CDC27: variants seen among roughly 807,000 people sequenced by gnomAD.
CDC27 encodes the protein cell division cycle protein 27 homolog.
CDC27 carries 27 observed loss-of-function variants against 109.7 expected under a neutral mutation model. That is an observed-to-expected ratio of 0.25 (90% confidence interval 0.18 to 0.34). CDC27 has a LOEUF of 0.34. CDC27 is among the 10% of genes least tolerant of loss of function. CDC27 has a pLI of 1.00. For synonymous variants in CDC27, 266 were observed against 333.9 expected, an observed-to-expected ratio of 0.80 and a Z score of 2.22; for missense variants, 579 against 960.2, an observed-to-expected ratio of 0.60 and a Z score of 5.25.
intron 1 of CDC27, among the ~76,000 whole-genome samples, chr17:47,187,594 G>A (rs1374410926): frequency 1.3e-5 from 2 of 151,964 alleles, no homozygotes; most frequent in African/African-American, 4.8e-5. Flanking sequence ...AAGCCACCAC[G>A]CCCGGCCTTC....
At chr17:47,144,871 T>TCACACA (rs35160918) in intron 9 of CDC27, among the ~76,000 whole-genome samples, 44 of 149,988 alleles carry the variant, frequency 2.9e-4, no homozygotes, top group East Asian at 7.8e-4. Context: ...TGTGTGTATA[T>TCACACA]CACACACACA....
At chr17:47,163,204 T>A (rs1394282847) in intron 4 of CDC27, among the ~76,000 whole-genome samples, 1 of 148,202 alleles carries the variant, frequency 6.7e-6, no homozygotes, top group Non-Finnish European at 1.5e-5. Flanking sequence ...AGAAGTCTCA[T>A]GTGCTGTAAT....
In CDC27 at chr17:47,119,465, T is replaced by C. The variant is rs2061939278; in HGVS notation, c.*1470A>G. 1 of 152,206 alleles carries C rather than the reference T, an allele frequency of 6.6e-6. No individual in the cohort carries two copies. The highest frequency in any genetic ancestry group is 6.5e-5 in the Admixed American group (1 of 15,274). The allele number at this position is 152,206 out of a possible 1,614,324, so 9.4% of individuals were successfully genotyped here. A position where few individuals can be genotyped will look rare whatever the true frequency, so the allele number is the denominator to read the frequency against. ...TTGTAATCCACCTTATTTTCACAGCTTGACTAACAAATACAGGTAAGTTTG... is the reference window on the plus strand; with the variant it reads ...TTGTAATCCACCTTATTTTCACAGCCTGACTAACAAATACAGGTAAGTTTG... On this transcript the variant is annotated 3_prime_UTR_variant, in exon 19 of 19. Transcript: ENST00000066544.
At chr17:47,171,894 C>T in intron 3 of CDC27, 23 bp downstream of exon 3, 1 of 1,555,960 alleles carries the variant, frequency 6.4e-7, no homozygotes, top group Non-Finnish European at 8.7e-7. Context: ...AACAAAATAG[C>T]TAGAAAATAT....
chr17:47,164,121 A>G (rs2063574128), intron 4 of CDC27, among the ~76,000 whole-genome samples: 1 of 152,176 alleles, frequency 6.6e-6, no homozygotes, highest in Admixed American at 6.5e-5. Context: ...AGATACACAA[A>G]TATTTACCAT....
At chr17:47,129,617 A>G in intron 15 of CDC27, 96 bp from the exon 16 acceptor site, 1 of 799,162 alleles carries the variant, frequency 1.3e-6, no homozygotes, top group Non-Finnish European at 2.0e-6. Context: ...TCAAATTATT[A>G]GAGATAAGGT....
Position 47,159,672 on chromosome 17 carries a change from C to T in CDC27, c.378-1369G>A. On this transcript the variant is annotated intron_variant, in intron 4 of 18. Transcript: ENST00000066544. ...CATTTAACACCCAGACCGACGTGGC[C>T]ATTGTAGTCCTCGATGGCAACAAAC... 6.8e-6 allele frequency: 3 copies of T among 441,276 alleles called. 1 individual carries two copies. Among genetic ancestry groups the T allele is most frequent in the South Asian group, 4.4e-5 (2 of 45,006 alleles). The allele number at this position is 441,276 out of a possible 1,614,324, so 27.3% of individuals were successfully genotyped here.
intron 17 of CDC27, 80 bp from the exon 18 acceptor site, chr17:47,122,680 T>G (rs2062014265): frequency 9.8e-7 from 1 of 1,024,152 alleles, no homozygotes; most frequent in Admixed American, 3.6e-5. Context: ...ATATACTTAT[T>G]TATTTATTTT....
intron 8 of CDC27, among the ~76,000 whole-genome samples, chr17:47,154,023 A>C (rs2063224566): frequency 6.6e-6 from 1 of 150,386 alleles, no homozygotes; most frequent in South Asian, 2.1e-4. Context: ...TGGGAGGTAG[A>C]GGCTACAGTG....
chr17:47,138,999 T>A lies in CDC27; in HGVS notation c.1552-108A>T. 4.4e-6 allele frequency: 3 copies of A among 684,042 alleles called. No homozygotes were observed. In the South Asian group the frequency reaches 6.8e-5, roughly 16 times the overall value. The allele number at this position is 684,042 out of a possible 1,614,324, so 42.4% of individuals were successfully genotyped here. ...ACAGGATCTAAATGCTGCCTTGTAT[T>A]ATGGTTTTTATGTGAATGAGTATTA... On this transcript the variant is annotated intron_variant, in intron 12 of 18. Transcript: ENST00000066544.
At chr17:47,144,166 C>T (rs1198646428) in intron 9 of CDC27, among the ~76,000 whole-genome samples, 184 bp from the exon 10 acceptor site, 10 of 152,058 alleles carry the variant, frequency 6.6e-5, no homozygotes, top group Admixed American at 5.2e-4. Flanking sequence ...ATGAGGGACT[C>T]GGACTGGCTT....
chr17:47,159,608 T>C (rs2063430478), intron 4 of CDC27: 2 of 462,806 alleles, frequency 4.3e-6, no homozygotes, highest in Non-Finnish European at 7.8e-6. Context: ...GGCCAGGATG[T>C]TGATGGCCCT....
intron 9 of CDC27, 86 bp from the exon 10 acceptor site, chr17:47,144,068 A>T (rs1296148967): frequency 4.9e-6 from 2 of 406,618 alleles, no homozygotes; most frequent in Non-Finnish European, 8.2e-6. Context: ...ATATTTTAAA[A>T]ATATACATTA....
Position 47,189,253 on chromosome 17 carries a change from A to G in CDC27, c.-81T>C. The G allele has an allele frequency of 1.8e-6, 2 of 1,102,390 alleles. No individual in the cohort carries two copies. The highest frequency in any genetic ancestry group is 2.0e-4 in the Middle Eastern group (1 of 5,084). The allele number at this position is 1,102,390 out of a possible 1,614,324, so 68.3% of individuals were successfully genotyped here. A position where few individuals can be genotyped will look rare whatever the true frequency, so the allele number is the denominator to read the frequency against. ...CGGCCCGGCCAGCCCCTGCTCATTT[A>G]AACTCACCAGCGACCGTTACCGGGG... is the stretch of plus-strand genomic sequence containing the variant. On this transcript the variant is annotated 5_prime_UTR_variant, in exon 1 of 19. Coordinates refer to ENST00000066544, the MANE Select transcript of CDC27 (RefSeq NM_001256.6).
At position 47,143,912 on chromosome 17, in the gene CDC27, G is replaced by A; in HGVS notation, c.1141C>T (p.Leu381Phe). ...GTTGTGGAGCTGTCACTAGTAAAGA[G>A]TCGTGAACTTCTTCGAGGCAGTGCG... ...PNALPRRSSR[L>F]FTSDSSTTKE... Residue 381 changes from leucine to phenylalanine, a missense_variant, in exon 10 of 19, where the codon CTC becomes TTC. Transcript: ENST00000066544. The A allele has an allele frequency of 2.0e-6, 3 of 1,496,128 alleles. No individual in the cohort carries two copies. Among genetic ancestry groups the A allele is most frequent in the East Asian group, 2.5e-5 (1 of 39,478 alleles). 92.7% of individuals were successfully genotyped at this position (1,496,128 alleles called of 1,614,324 possible).
intron 16 of CDC27, among the ~76,000 whole-genome samples, chr17:47,125,978 T>G (rs1192223020): frequency 6.6e-6 from 1 of 152,250 alleles, no homozygotes; most frequent in Non-Finnish European, 1.5e-5. Context: ...GCAACCAGCA[T>G]GCCTATCCCC....
intron 9 of CDC27, 56 bp from the exon 10 acceptor site, chr17:47,144,038 A>G (rs1016466668): frequency 1.4e-5 from 9 of 657,784 alleles, no homozygotes; most frequent in Middle Eastern, 4.1e-4. Context: ...ATGACCATTA[A>G]CCATTGTTTC....
rs189500954 is a variant in CDC27, at chr17:47,131,596, A to G, written c.2031+661T>C. 7.2e-3 allele frequency among the ~76,000 whole-genome samples: 1,093 copies of G among 152,260 alleles called. 3 individuals are homozygous for G. Among genetic ancestry groups the G allele is most frequent in the Non-Finnish European group, 0.011 (734 of 68,022 alleles). On this transcript the variant is annotated intron_variant, in intron 15 of 18. Coordinates refer to ENST00000066544, the MANE Select transcript of CDC27 (RefSeq NM_001256.6). ...AGAACTTAAGGTACCGTACTTACAC[A>G]GAAGCTAATAAATGCGATTTTAAAA...
intron 14 of CDC27, among the ~76,000 whole-genome samples, chr17:47,134,474 G>GTT (rs112150744): frequency 1.4e-5 from 2 of 146,768 alleles, no homozygotes; most frequent in Non-Finnish European, 3.0e-5. Context: ...ATGCCTAATT[G>GTT]TTTTTTTTTT....
Sources: gnomAD v4.1 joint callset for allele counts (sites outside exome capture counted in the v4.1 genomes callset) on GRCh38, gnomAD v4.1.1 for gene constraint, MANE v1.5 for transcripts, NCBI Gene and HGNC (gene_info 2026-07-23, HGNC 2026-07-21) for gene names.